LCP2: variants seen among roughly 807,000 people sequenced by gnomAD.
LCP2 encodes lymphocyte cytosolic protein 2.
LCP2 carries 29 observed loss-of-function variants against 74.5 expected under a neutral mutation model. The observed-to-expected ratio is 0.39, with a 90% CI of 0.29 to 0.53. LCP2 has a LOEUF of 0.53. LCP2 is among the 20% of genes least tolerant of loss of function. The probability of loss-of-function intolerance (pLI) is 0.72; values close to 1 mark genes in which losing one functional copy is unlikely to be tolerated. For synonymous variants in LCP2, 228 were observed against 229.5 expected, an observed-to-expected ratio of 0.99 and a Z score of 0.06; for missense variants, 604 against 634.6, an observed-to-expected ratio of 0.95 and a Z score of 0.52.
At chr5:170,288,131 G>C (rs1238463329) in intron 2 of LCP2, 115 bp from the exon 3 acceptor site, 9 of 1,096,392 alleles carry the variant, frequency 8.2e-6, no homozygotes, top group Non-Finnish European at 1.2e-5. Context: ...GTGGCAAACA[G>C]AGGAGAAACC....
chr5:170,280,077 T>A (rs1321717728), intron 3 of LCP2, among the ~76,000 whole-genome samples: 1 of 152,122 alleles, frequency 6.6e-6, no homozygotes, highest in Non-Finnish European at 1.5e-5. Flanking sequence ...CATCTTTGTT[T>A]CCTCTACTGT....
chr5:170,280,199 A>T (rs938559059), intron 3 of LCP2, among the ~76,000 whole-genome samples: 1 of 151,920 alleles, frequency 6.6e-6, no homozygotes, highest in Non-Finnish European at 1.5e-5. Context: ...TGGGAGCCTT[A>T]TTCCCTGGGC....
At chr5:170,260,110 C>A (rs1428512991) in intron 14 of LCP2, among the ~76,000 whole-genome samples, 3 of 152,210 alleles carry the variant, frequency 2.0e-5, no homozygotes, top group Admixed American at 2.0e-4. Flanking sequence ...AAGAATGACT[C>A]TATTCTGTGT....
At chr5:170,291,028 G>T (rs939988445) in intron 2 of LCP2, among the ~76,000 whole-genome samples, 2 of 147,882 alleles carry the variant, frequency 1.4e-5, no homozygotes, top group African/African-American at 5.1e-5. Flanking sequence ...AAGAAAGAGA[G>T]AAAGAAAGAG....
intron 3 of LCP2, among the ~76,000 whole-genome samples, chr5:170,279,701 ATTGT>A (rs976633670): frequency 1.2e-4 from 19 of 152,212 alleles, no homozygotes; most frequent in Admixed American, 9.2e-4. Context: ...CACTGATGAA[ATTGT>A]TTGTTTGTTT....
At chr5:170,281,449 G>T (rs1001087314) in intron 3 of LCP2, among the ~76,000 whole-genome samples, 2 of 151,980 alleles carry the variant, frequency 1.3e-5, no homozygotes, top group Non-Finnish European at 2.9e-5. Flanking sequence ...TCGGCTAATT[G>T]TTTTGTATTT....
intron 10 of LCP2, among the ~76,000 whole-genome samples, chr5:170,265,123 G>A (rs968357855): frequency 6.6e-6 from 1 of 151,838 alleles, no homozygotes. Flanking sequence ...GAGTAGCTGG[G>A]ACTGCAGGTG....
At position 170,289,337 on chromosome 5, in the gene LCP2, C is replaced by T. The variant is rs531584021; in HGVS notation, c.142-1321G>A. ...GAGTTTAGTGTTTTTGCTTCTTTTCCGTTCTGGGAGCTGCCTGTCAGGTTT... is the reference window on the plus strand; with the variant it reads ...GAGTTTAGTGTTTTTGCTTCTTTTCTGTTCTGGGAGCTGCCTGTCAGGTTT... On this transcript the variant is annotated intron_variant, in intron 2 of 20. Coordinates refer to ENST00000046794, the MANE Select transcript of LCP2 (RefSeq NM_005565.5). Among the ~76,000 whole-genome samples, 6 of 152,264 alleles carry T rather than the reference C, an allele frequency of 3.9e-5. No individual in the cohort carries two copies. The South Asian group carries it at 6.2e-4, about 16-fold the overall frequency.
chr5:170,281,502 G>A (rs188597338), intron 3 of LCP2, among the ~76,000 whole-genome samples: 15 of 152,158 alleles, frequency 9.9e-5, no homozygotes, highest in Admixed American at 2.6e-4. Context: ...GGATGGTCTC[G>A]ATCTCCTGAC....
intron 14 of LCP2, among the ~76,000 whole-genome samples, chr5:170,259,885 A>G (rs918844879): frequency 6.6e-6 from 1 of 152,252 alleles, no homozygotes; most frequent in Non-Finnish European, 1.5e-5. Flanking sequence ...CTGGTTCCAG[A>G]AAACACAACT....
intron 18 of LCP2, 67 bp from the exon 19 acceptor site, chr5:170,252,578 C>T: frequency 1.3e-6 from 1 of 764,012 alleles, no homozygotes; most frequent in Non-Finnish European, 2.2e-6. Context: ...AAAGAAAAGC[C>T]TCTGAGTAAT....
intron 14 of LCP2, 80 bp from the exon 15 acceptor site, chr5:170,258,958 A>G: frequency 1.2e-6 from 1 of 862,622 alleles, no homozygotes; most frequent in South Asian, 1.5e-5. Flanking sequence ...TTTCTCAATC[A>G]AATAAATCAA....
chr5:170,279,945 A>G (rs1762072226), intron 3 of LCP2, among the ~76,000 whole-genome samples: 1 of 151,740 alleles, frequency 6.6e-6, no homozygotes, highest in African/African-American at 2.4e-5. Context: ...GAAGGCTGCC[A>G]GGCAGGTGGA....
intron 20 of LCP2, among the ~76,000 whole-genome samples, chr5:170,249,357 C>T (rs1033255297): frequency 5.7e-5 from 6 of 104,550 alleles, no homozygotes; most frequent in East Asian, 2.8e-4. Flanking sequence ...TATGTGCATG[C>T]GTGTGTATAT....
intron 18 of LCP2, among the ~76,000 whole-genome samples, chr5:170,252,882 G>C (rs1305044288): frequency 2.0e-5 from 3 of 152,150 alleles, no homozygotes; most frequent in Admixed American, 6.5e-5. Flanking sequence ...TAAAAAACAG[G>C]ATTATTTTTC....
chr5:170,278,977 G>T (rs1762058192), intron 3 of LCP2, among the ~76,000 whole-genome samples: 1 of 152,170 alleles, frequency 6.6e-6, no homozygotes, highest in Admixed American at 6.5e-5. Flanking sequence ...GGTGGGCATA[G>T]CAGGGAGGTG....
intron 1 of LCP2, among the ~76,000 whole-genome samples, chr5:170,296,443 G>A (rs111316552): frequency 1.6e-4 from 25 of 152,244 alleles, no homozygotes; most frequent in African/African-American, 6.0e-4. Context: ...TTGGCTATAC[G>A]TCCTAGGGAA....
At chr5:170,251,420 C>A (rs1761440106) in intron 19 of LCP2, 2 of 212,898 alleles carry the variant, frequency 9.4e-6, no homozygotes, top group Non-Finnish European at 2.0e-5. Flanking sequence ...CTTTTCTTTT[C>A]TTTTTTCTGA....
rs1761696492 is a variant in LCP2, at chr5:170,263,352, A to G, written c.773-360T>C. Among the ~76,000 whole-genome samples the G allele has an allele frequency of 7.2e-5, 11 of 152,158 alleles. 1 individual carries two copies. The South Asian group carries it at 2.3e-3, about 32-fold the overall frequency. On this transcript the variant is annotated intron_variant, in intron 10 of 20. Transcript: ENST00000046794. Reference sequence around the variant, plus strand: ...TTATGCCTCTTTAATTGGCCAAAGTATTTCTTCTGCAGCCTAAGTTTTATT... The same window carrying G: ...TTATGCCTCTTTAATTGGCCAAAGTGTTTCTTCTGCAGCCTAAGTTTTATT...
Sources: gnomAD v4.1 joint callset for allele counts (sites outside exome capture counted in the v4.1 genomes callset) on GRCh38, gnomAD v4.1.1 for gene constraint, MANE v1.5 for transcripts, NCBI Gene and HGNC (gene_info 2026-07-23, HGNC 2026-07-21) for gene names.